PRP4K: variants seen among roughly 807,000 people sequenced by gnomAD.
PRP4K encodes the protein pre-mRNA processing factor kinase PRP4K.
chr6:4,042,384 T>C, the PRP4K span: 10 of 840,358 alleles, frequency 1.2e-5, no homozygotes, highest in East Asian at 2.8e-5. Context: ...CTTAAGACTT[T>C]TGCTCTAACT....
the PRP4K span, chr6:4,044,317 A>T: frequency 3.3e-6 from 1 of 299,536 alleles, no homozygotes; most frequent in Non-Finnish European, 6.2e-6. Flanking sequence ...CCTTCTGGGT[A>T]CTTGTTTGTG....
chr6:4,044,297 A>G, the PRP4K span: 2 of 353,558 alleles, frequency 5.7e-6, no homozygotes, highest in African/African-American at 4.2e-5. Flanking sequence ...TCCAATTATG[A>G]TTTTATTCCC....
the PRP4K span, among the ~76,000 whole-genome samples, chr6:4,036,757 A>C: frequency 6.6e-6 from 1 of 152,074 alleles, no homozygotes; most frequent in Non-Finnish European, 1.5e-5. Flanking sequence ...TTGGAGGCCA[A>C]GGGAGAACCA....
chr6:4,047,963 A>C, the PRP4K span, among the ~76,000 whole-genome samples: 1 of 150,380 alleles, frequency 6.6e-6, no homozygotes, highest in East Asian at 2.0e-4. Flanking sequence ...TAGGAACACC[A>C]ACCTATAAAT....
the PRP4K span, among the ~76,000 whole-genome samples, chr6:4,029,012 CTTTTTTTTTTTTTT>C: frequency 7.5e-6 from 1 of 132,484 alleles, no homozygotes; most frequent in African/African-American, 2.8e-5. Flanking sequence ...TACTTGGAAT[CTTTTTTTTTTTTTT>C]TTTTTTTAAT....
chr6:4,049,196 T>G, the PRP4K span: 211 of 1,194,676 alleles, frequency 1.8e-4, no homozygotes, highest in East Asian at 5.1e-3. Flanking sequence ...ATTGGAGAAC[T>G]CTGAAAAATC....
chr6:4,036,105 T>C, the PRP4K span, among the ~76,000 whole-genome samples: 2 of 152,344 alleles, frequency 1.3e-5, no homozygotes, highest in South Asian at 2.1e-4. Flanking sequence ...TCAAAACCTG[T>C]TTTAAAAAAT....
chr6:4,057,395 T>G, the PRP4K span, among the ~76,000 whole-genome samples: 3 of 152,226 alleles, frequency 2.0e-5, no homozygotes, highest in Admixed American at 6.5e-5. Context: ...GAGAACTTGT[T>G]CAATGATGGA....
At chr6:4,044,095 A>G in the PRP4K span, 1 of 1,439,884 alleles carries the variant, frequency 6.9e-7, no homozygotes, top group East Asian at 2.3e-5. Flanking sequence ...AAGAGACGTT[A>G]TTTGGGGTGG....
chr6:4,046,065 TTCTG>T, the PRP4K span, among the ~76,000 whole-genome samples: 3 of 152,248 alleles, frequency 2.0e-5, no homozygotes, highest in Admixed American at 1.3e-4. Context: ...TGTGTCCAGT[TTCTG>T]TCTATTCATT....
the PRP4K span, among the ~76,000 whole-genome samples, chr6:4,043,076 C>T: frequency 1.3e-5 from 2 of 152,118 alleles, no homozygotes; most frequent in Non-Finnish European, 2.9e-5. Flanking sequence ...CTTGATACAG[C>T]CATTTAATTA....
chr6:4,057,738 G>A, the PRP4K span, among the ~76,000 whole-genome samples: 8 of 149,736 alleles, frequency 5.3e-5, no homozygotes, highest in African/African-American at 2.0e-4. Context: ...AGTATCTGAG[G>A]GCCATAACTT....
At chr6:4,050,799 A>C in the PRP4K span, among the ~76,000 whole-genome samples, 1 of 152,212 alleles carries the variant, frequency 6.6e-6, no homozygotes, top group Non-Finnish European at 1.5e-5. Context: ...GCTTACTATA[A>C]AATGTAGCTT....
chr6:4,024,241 G>A, the PRP4K span, among the ~76,000 whole-genome samples: 1 of 151,910 alleles, frequency 6.6e-6, no homozygotes, highest in African/African-American at 2.4e-5. Context: ...GAACTACTGG[G>A]CTCAAGTGCT....
At chr6:4,030,907 A>G in the PRP4K span, among the ~76,000 whole-genome samples, 1 of 152,344 alleles carries the variant, frequency 6.6e-6, no homozygotes, top group East Asian at 1.9e-4. Flanking sequence ...GGATGTGTTT[A>G]TACTATCACC....
the PRP4K span, among the ~76,000 whole-genome samples, chr6:4,055,523 A>G: frequency 6.6e-6 from 1 of 152,038 alleles, no homozygotes; most frequent in African/African-American, 2.4e-5. Context: ...TCAAGTCCCA[A>G]CTCGGAATTT....
At chr6:4,021,366 C>A in the PRP4K span, 14 of 1,551,982 alleles carry the variant, frequency 9.0e-6, no homozygotes, top group East Asian at 2.9e-4. Context: ...CCTCCACTTC[C>A]CCTACCCTCC....
chr6:4,033,704 G>A, the PRP4K span, among the ~76,000 whole-genome samples: 1 of 152,088 alleles, frequency 6.6e-6, no homozygotes, highest in African/African-American at 2.4e-5. Flanking sequence ...CTGTGAATGG[G>A]TATAAATATA....
the PRP4K span, chr6:4,042,568 G>A: frequency 3.2e-6 from 5 of 1,586,680 alleles, no homozygotes; most frequent in South Asian, 1.2e-5. Context: ...CAATTGTTCA[G>A]GTATGTGATT....
Sources: gnomAD v4.1 joint callset for allele counts (sites outside exome capture counted in the v4.1 genomes callset) on GRCh38, gnomAD v4.1.1 for gene constraint, MANE v1.5 for transcripts, NCBI Gene and HGNC (gene_info 2026-07-23, HGNC 2026-07-21) for gene names.